Variants in CDKN3 observed in about 807,000 individuals in gnomAD.
CDKN3 encodes the protein cyclin dependent kinase inhibitor 3.
In CDKN3, 19 loss-of-function variants were observed where a neutral mutation model predicts 36.1. The ratio of observed to expected loss-of-function variants is 0.53; its 90% confidence interval spans 0.37 to 0.77. The LOEUF (loss-of-function observed/expected upper bound fraction) is 0.77. CDKN3 is among the 30% of genes least tolerant of loss of function. The pLI is 0.00. For synonymous variants in CDKN3, 71 were observed against 85.3 expected, an observed-to-expected ratio of 0.83 and a Z score of 0.92; for missense variants, 188 against 248.6, an observed-to-expected ratio of 0.76 and a Z score of 1.64.
chr14:54,418,496 C>A, intron 7 of CDKN3: 1 of 520,028 alleles, frequency 1.9e-6, no homozygotes. Flanking sequence ...AAACACTGCA[C>A]TAGCAATGCC....
intron 3 of CDKN3, 149 bp from the exon 4 acceptor site, chr14:54,408,595 TA>T: frequency 1.1e-6 from 1 of 886,600 alleles, no homozygotes; most frequent in Non-Finnish European, 1.6e-6. Context: ...CCTAGAAATA[TA>T]AGAAATTGAA....
intron 3 of CDKN3, among the ~76,000 whole-genome samples, chr14:54,403,785 C>CTAT (rs1161181686): frequency 6.6e-6 from 1 of 151,674 alleles, no homozygotes; most frequent in Admixed American, 6.6e-5. Context: ...TTTTCCAGAT[C>CTAT]TGAGATAATC....
intron 3 of CDKN3, among the ~76,000 whole-genome samples, chr14:54,408,097 T>C (rs994485856): frequency 2.0e-5 from 3 of 152,230 alleles, no homozygotes; most frequent in African/African-American, 7.2e-5. Context: ...ATCTTTTTCA[T>C]ATAATGACTT....
At chr14:54,404,764 A>T (rs2030091565) in intron 3 of CDKN3, among the ~76,000 whole-genome samples, 1 of 151,928 alleles carries the variant, frequency 6.6e-6, no homozygotes, top group Non-Finnish European at 1.5e-5. Context: ...TTTAGTAGAG[A>T]CGGGGGTTTC....
intron 4 of CDKN3, among the ~76,000 whole-genome samples, chr14:54,409,980 T>C (rs1173892430): frequency 1.3e-5 from 2 of 152,170 alleles, no homozygotes; most frequent in Non-Finnish European, 2.9e-5. Flanking sequence ...ATAAAACTTT[T>C]CTGCTTTAGA....
intron 3 of CDKN3, 63 bp from the exon 4 acceptor site, chr14:54,408,682 T>G: frequency 6.6e-7 from 1 of 1,514,874 alleles, no homozygotes; most frequent in Non-Finnish European, 8.9e-7. Context: ...TATAAGTGTT[T>G]AAACATACCT....
At chr14:54,405,277 G>A (rs56671397) in intron 3 of CDKN3, among the ~76,000 whole-genome samples, 3 of 152,166 alleles carry the variant, frequency 2.0e-5, no homozygotes, top group Admixed American at 6.5e-5. Context: ...GTCAATTTTA[G>A]AATAAGTGCG....
Position 54,420,025 on chromosome 14 carries a change from T to G in CDKN3, c.586T>G (p.Leu196Val). 5 of 1,610,178 alleles carry G rather than the reference T, an allele frequency of 3.1e-6. No homozygotes were observed. Among genetic ancestry groups the G allele is most frequent in the Non-Finnish European group, 4.2e-6 (5 of 1,176,648 alleles). Residue 196 changes from leucine (L) to valine (V), a missense_variant, in exon 8 of 8, where the codon TTA becomes GTA. Leu to Val is a conservative substitution (Grantham distance 32). Transcript: ENST00000335183. The stretch of plus-strand genomic sequence containing the variant: ...TTATCTTCATGAGTTTCGGGACAAA[T>G]TAGCTGCACATCTATCATCAAGAGA... ...YNYLHEFRDKLAAHLSSRDSQ... is the reference protein window; with the variant it reads ...YNYLHEFRDKVAAHLSSRDSQ...
intron 3 of CDKN3, among the ~76,000 whole-genome samples, chr14:54,405,804 G>A (rs2030134564): frequency 6.6e-6 from 1 of 152,164 alleles, no homozygotes; most frequent in African/African-American, 2.4e-5. Flanking sequence ...TTGCCAGTCT[G>A]TGTCTTTTAA....
rs755417074 is a variant in CDKN3 at position 54,408,739 on chromosome 14, T to C, written c.149-6T>C. The C allele has an allele frequency of 1.3e-6, 2 of 1,575,126 alleles. No individual in the cohort carries two copies. The highest frequency in any genetic ancestry group is 2.5e-5 in the South Asian group (2 of 81,406). On this transcript the variant is annotated splice_region_variant and splice_polypyrimidine_tract_variant and intron_variant, in intron 3 of 7. Coordinates refer to ENST00000335183, the MANE Select transcript of CDKN3 (RefSeq NM_005192.4). The stretch of plus-strand genomic sequence containing the variant: ...ACTTTTTTACTTGCTTTATTATTAC[T>C]TATAGGTTGTAAATTTAAAGATGTT...
intron 1 of CDKN3, among the ~76,000 whole-genome samples, chr14:54,398,875 A>G (rs188795434): frequency 6.6e-6 from 1 of 152,250 alleles, no homozygotes; most frequent in Admixed American, 6.5e-5. Flanking sequence ...TTTTTTGAGA[A>G]AAGGGGTGGG....
At chr14:54,413,914 A>G in intron 5 of CDKN3, 2 of 1,005,176 alleles carry the variant, frequency 2.0e-6, no homozygotes, top group Non-Finnish European at 2.6e-6. Context: ...TTTCTAGAGG[A>G]TGTAAGTCCA....
rs747555724 is a variant in CDKN3 at position 54,411,545 on chromosome 14, A to G, written c.255A>G (p.Ser85=). The change falls in exon 5 of 8, where the codon TCA becomes TCG. Residue 85 remains serine, a synonymous_variant. Coordinates refer to ENST00000335183, the MANE Select transcript of CDKN3 (RefSeq NM_005192.4). ...TTTTCTGCACCAGAGGGGAACTGTC[A>G]AAATATAGAGTCCCAAACCTTCTGG... ...IFVFCTRGEL[S]KYRVPNLLDL... 6.2e-7 allele frequency: 1 copy of G among 1,614,104 alleles called. No homozygotes were observed. Among genetic ancestry groups the G allele is most frequent in the East Asian group, 2.2e-5 (1 of 44,872 alleles).
intron 2 of CDKN3, among the ~76,000 whole-genome samples, chr14:54,400,503 CA>C (rs1426567270): frequency 1.3e-4 from 20 of 152,236 alleles, no homozygotes; most frequent in African/African-American, 4.8e-4. Flanking sequence ...AATGCAATAA[CA>C]AAAAGTTTCT....
At chr14:54,401,174 C>T (rs2029923446) in intron 2 of CDKN3, among the ~76,000 whole-genome samples, 1 of 152,102 alleles carries the variant, frequency 6.6e-6, no homozygotes, top group Non-Finnish European at 1.5e-5. Flanking sequence ...GACAGGATTT[C>T]ACCTTGTTGT....
intron 2 of CDKN3, 83 bp downstream of exon 2, chr14:54,400,059 T>C: frequency 1.3e-6 from 1 of 746,746 alleles, no homozygotes; most frequent in Non-Finnish European, 2.4e-6. Context: ...ATAATCTTAG[T>C]AGAATGTAGT....
At chr14:54,412,256 G>A (rs1459483311) in intron 5 of CDKN3, among the ~76,000 whole-genome samples, 4 of 151,984 alleles carry the variant, frequency 2.6e-5, no homozygotes, top group African/African-American at 9.7e-5. Flanking sequence ...ATGGTGGTAC[G>A]TGCCTGTAGT....
chr14:54,403,569 A>G (rs2030039090), intron 3 of CDKN3, among the ~76,000 whole-genome samples: 1 of 152,184 alleles, frequency 6.6e-6, no homozygotes, highest in Non-Finnish European at 1.5e-5. Context: ...AGAACTTCCA[A>G]TACTCTGTTA....
At chr14:54,417,656 T>A (rs1389371912) in intron 6 of CDKN3, among the ~76,000 whole-genome samples, 192 bp from the exon 7 acceptor site, 1 of 152,240 alleles carries the variant, frequency 6.6e-6, no homozygotes, top group East Asian at 1.9e-4. Flanking sequence ...TGTTAAACTC[T>A]AATTCAACCA....
Sources: allele counts gnomAD v4.1 joint callset (sites outside exome capture counted in the v4.1 genomes callset), GRCh38; gene constraint gnomAD v4.1.1; transcripts MANE v1.5; gene names NCBI Gene and HGNC (gene_info 2026-07-23, HGNC 2026-07-21).